AREL1: variants seen among roughly 807,000 people sequenced by gnomAD.
The protein encoded by AREL1 is apoptosis-resistant E3 ubiquitin protein ligase 1.
In AREL1, 62 loss-of-function variants were observed where a neutral mutation model predicts 99.0. The ratio of observed to expected loss-of-function variants is 0.63; its 90% CI spans 0.51 to 0.77. The LOEUF is 0.77. Ranked by LOEUF, AREL1 falls within the 30% of genes least tolerant of loss-of-function variation. The probability of loss-of-function intolerance (pLI) is 0.00; values close to 1 mark genes in which losing one functional copy is unlikely to be tolerated. For missense variants in AREL1, 879 were observed against 1,027.6 expected, an observed-to-expected ratio of 0.86 and a Z score of 1.98; for synonymous variants, 380 against 376.5, an observed-to-expected ratio of 1.01 and a Z score of -0.11.
intron 1 of AREL1, among the ~76,000 whole-genome samples, chr14:74,699,835 A>G (rs2090050523): frequency 6.6e-6 from 1 of 152,214 alleles, no homozygotes; most frequent in Admixed American, 6.5e-5. Flanking sequence ...GCACTGAGAA[A>G]AGAAACGAAT....
At chr14:74,667,013 C>A (rs1329066105) in intron 17 of AREL1, among the ~76,000 whole-genome samples, 3 of 151,856 alleles carry the variant, frequency 2.0e-5, no homozygotes, top group Non-Finnish European at 4.4e-5. Flanking sequence ...AGCCACCATG[C>A]CCGGCCTCAG....
intron 5 of AREL1, among the ~76,000 whole-genome samples, chr14:74,679,548 C>T (rs960189757): frequency 1.3e-5 from 2 of 152,080 alleles, no homozygotes; most frequent in Non-Finnish European, 2.9e-5. Context: ...CAAAATGGGC[C>T]GGGCACGGTG....
rs141718687 is a variant in AREL1 at position 74,685,749 on chromosome 14, C to T, written c.-45-89G>A. ...GACAAAGAAGAGTGTATGGCGTGAG[C>T]CAAACAACTCTCTCTAGTCCAGAGC... On this transcript the variant is annotated intron_variant, in intron 2 of 19. Transcript: ENST00000356357. 3.8e-4 allele frequency: 419 copies of T among 1,104,434 alleles called. 1 individual carries two copies. The highest frequency in any genetic ancestry group is 5.2e-4 in the Non-Finnish European group (390 of 749,418). 68.4% of individuals were successfully genotyped at this position (1,104,434 alleles called of 1,614,324 possible).
At chr14:74,684,079 A>AT (rs1206605973) in intron 4 of AREL1, among the ~76,000 whole-genome samples, 1 of 152,204 alleles carries the variant, frequency 6.6e-6, no homozygotes, top group Non-Finnish European at 1.5e-5. Context: ...CTCAACTGTC[A>AT]TAACTACTCA....
Position 74,672,961 on chromosome 14 carries a change from C to T in AREL1, c.1301-9G>A, listed in dbSNP as rs528874790. On this transcript the variant is annotated splice_polypyrimidine_tract_variant and intron_variant, in intron 10 of 19. Transcript: ENST00000356357. ...AAAGGTCTCAGAGCCTCCTGGGGAA[C>T]AGCAAGATCCATCATTACAGCCTCA... The T allele has an allele frequency of 1.2e-6, 2 of 1,614,160 alleles. No homozygotes were observed. The highest frequency in any genetic ancestry group is 2.2e-5 in the South Asian group (2 of 91,088).
intron 2 of AREL1, among the ~76,000 whole-genome samples, chr14:74,690,381 T>C (rs1297717673): frequency 6.6e-6 from 1 of 151,824 alleles, no homozygotes; most frequent in Non-Finnish European, 1.5e-5. Flanking sequence ...TGCCTAAGGA[T>C]CAGGAATTTT....
intron 8 of AREL1, among the ~76,000 whole-genome samples, chr14:74,674,598 T>C (rs1241856015): frequency 6.6e-6 from 1 of 152,084 alleles, no homozygotes; most frequent in African/African-American, 2.4e-5. Context: ...TGAGACCCTG[T>C]CTCAAAAAAT....
At chr14:74,708,803 T>C (rs2090230126) in intron 1 of AREL1, among the ~76,000 whole-genome samples, 1 of 152,198 alleles carries the variant, frequency 6.6e-6, no homozygotes, top group African/African-American at 2.4e-5. Context: ...TTAGACTAAA[T>C]GACAAAACAT....
At chr14:74,668,005 A>G (rs900305939) in intron 15 of AREL1, among the ~76,000 whole-genome samples, 14 of 152,374 alleles carry the variant, frequency 9.2e-5, no homozygotes, top group African/African-American at 3.4e-4. Context: ...CAGAAATTCC[A>G]AGATGGGAAC....
chr14:74,676,402 CCTAT>C, intron 6 of AREL1, 81 bp from the exon 7 acceptor site: 1 of 1,508,050 alleles, frequency 6.6e-7, no homozygotes, highest in African/African-American at 1.4e-5. Flanking sequence ...AAAGAGCTTT[CCTAT>C]CTATGATCTA....
chr14:74,707,589 A>G (rs1158254308), intron 1 of AREL1, among the ~76,000 whole-genome samples: 1 of 152,036 alleles, frequency 6.6e-6, no homozygotes, highest in Non-Finnish European at 1.5e-5. Flanking sequence ...AGGTCAGGAG[A>G]TCGAGACCTT....
intron 3 of AREL1, among the ~76,000 whole-genome samples, 196 bp downstream of exon 3, chr14:74,685,404 G>C (rs1594768781): frequency 6.6e-6 from 1 of 152,158 alleles, no homozygotes; most frequent in African/African-American, 2.4e-5. Flanking sequence ...ACAGTAAACA[G>C]TGTCTGGCAT....
At position 74,670,827 on chromosome 14, in the gene AREL1, A is replaced by G. The variant is rs1422319764; in HGVS notation, c.1543T>C (p.Cys515Arg). 6.2e-7 allele frequency: 1 copy of G among 1,614,064 alleles called. No homozygotes were observed. Among genetic ancestry groups the G allele is most frequent in the African/African-American group, 1.3e-5 (1 of 74,930 alleles). Residue 515 changes from cysteine to arginine, a missense_variant, in exon 13 of 20, where the codon TGC (cysteine) becomes CGC (arginine). Cys to Arg is a radical substitution (Grantham distance 180). Transcript: ENST00000356357. The stretch of plus-strand genomic sequence containing the variant: ...TTGGTGGTATCAAATAGTGCTTTGC[A>G]GATTAGCTCAAACCATTCCCGGCGA... The part of the protein sequence containing the change: ...GPRREWFELI[C>R]KALFDTTNQL...
chr14:74,676,398 CT>C, intron 6 of AREL1, 77 bp from the exon 7 acceptor site: 1 of 1,515,918 alleles, frequency 6.6e-7, no homozygotes, highest in Non-Finnish European at 8.9e-7. Flanking sequence ...TTACAAAGAG[CT>C]TTCCTATCTA....
At chr14:74,701,122 T>C (rs959368626) in intron 1 of AREL1, among the ~76,000 whole-genome samples, 4 of 152,178 alleles carry the variant, frequency 2.6e-5, no homozygotes, top group African/African-American at 7.2e-5. Context: ...TCCTGCTTTA[T>C]GCTCTCAGAA....
At position 74,683,490 on chromosome 14, in the gene AREL1, A is replaced by G; in HGVS notation, c.287T>C (p.Val96Ala). 1 of 1,614,124 alleles carries G rather than the reference A, an allele frequency of 6.2e-7. No individual in the cohort carries two copies. The highest frequency in any genetic ancestry group is 8.5e-7 in the Non-Finnish European group (1 of 1,180,012). ...NGQPFPAHRPVGLRVHISHVE... is the reference protein window; with the variant it reads ...NGQPFPAHRPAGLRVHISHVE... The stretch of plus-strand genomic sequence containing the variant: ...ATGAGAGATGTGAACTCTTAGTCCC[A>G]CAGGCCGATGTGCAGGGAAAGGCTG... Residue 96 changes from valine (V) to alanine (A), a missense_variant, in exon 5 of 20, where the codon GTG becomes GCG. Val to Ala is a moderately conservative substitution (Grantham distance 64). Transcript: ENST00000356357.
intron 1 of AREL1, among the ~76,000 whole-genome samples, chr14:74,709,237 G>C (rs772191654): frequency 1.3e-5 from 2 of 152,192 alleles, no homozygotes; most frequent in Non-Finnish European, 2.9e-5. Context: ...AGGAGTTCAA[G>C]ATCAGCCTGG....
In AREL1 at chr14:74,663,892, T is replaced by C. The variant is rs780090234; in HGVS notation, c.2369+7A>G. The C allele has an allele frequency of 5.6e-6, 9 of 1,614,076 alleles. No individual in the cohort carries two copies. The highest frequency in any genetic ancestry group is 5.9e-6 in the Non-Finnish European group (7 of 1,180,026). ...ACTGGGCATGCATCAGGCGGGCAGA[T>C]ACCTACCATGTGTGTGCAGTAGGCA... On this transcript the variant is annotated splice_region_variant and intron_variant, in intron 19 of 19. Transcript: ENST00000356357.
intron 1 of AREL1, among the ~76,000 whole-genome samples, chr14:74,702,673 A>G (rs1260423283): frequency 6.6e-6 from 1 of 152,098 alleles, no homozygotes. Flanking sequence ...AGCCAGTTTG[A>G]ATTTCTCCTC....
Sources: allele counts gnomAD v4.1 joint callset (sites outside exome capture counted in the v4.1 genomes callset), GRCh38; gene constraint gnomAD v4.1.1; transcripts MANE v1.5; gene names NCBI Gene and HGNC (gene_info 2026-07-23, HGNC 2026-07-21).